Variants in DPP10 observed in about 807,000 individuals in gnomAD.
DPP10 encodes dipeptidyl peptidase like 10.
DPP10 carries 33 observed loss-of-function variants against 120.9 expected under a neutral mutation model. That is an observed-to-expected ratio of 0.27 (90% CI 0.21 to 0.37). DPP10 has a LOEUF of 0.37. DPP10 is among the 10% of genes least tolerant of loss of function. The pLI, the probability that DPP10 is intolerant of heterozygous loss-of-function variation, is 1.00. For synonymous variants in DPP10, 337 were observed against 326.1 expected (o/e 1.03, Z -0.36); for missense variants, 816 against 942.8 (o/e 0.87, Z 1.76).
intron 1 of DPP10, among the ~76,000 whole-genome samples, chr2:115,207,248 G>A (rs2056195039): frequency 6.6e-6 from 1 of 151,996 alleles, no homozygotes. Flanking sequence ...GCTTTTTGCA[G>A]AGTAACTTGT....
chr2:114,975,523 C>G (rs567528524), intron 1 of DPP10, among the ~76,000 whole-genome samples: 1 of 152,276 alleles, frequency 6.6e-6, no homozygotes, highest in Non-Finnish European at 1.5e-5. Flanking sequence ...TCTCCTGCAT[C>G]AAATAACTAG....
chr2:115,652,685 G>A (rs2087906132), intron 5 of DPP10, among the ~76,000 whole-genome samples: 1 of 151,818 alleles, frequency 6.6e-6, no homozygotes, highest in Admixed American at 6.6e-5. Flanking sequence ...GAAGACTGAT[G>A]TACCATTTCG....
chr2:115,379,990 G>A (rs1448438975), intron 3 of DPP10, among the ~76,000 whole-genome samples: 1 of 152,142 alleles, frequency 6.6e-6, no homozygotes. Flanking sequence ...GTCAATTTTG[G>A]AATCGGTGTG....
chr2:114,778,960 T>C (rs2106184967), intron 1 of DPP10, among the ~76,000 whole-genome samples: 1 of 152,196 alleles, frequency 6.6e-6, no homozygotes, highest in East Asian at 1.9e-4. Flanking sequence ...CCCTTTATGG[T>C]TACTGTAAAA....
chr2:114,648,680 G>T (rs1696324762), intron 1 of DPP10, among the ~76,000 whole-genome samples: 1 of 152,176 alleles, frequency 6.6e-6, no homozygotes, highest in South Asian at 2.1e-4. Context: ...AGGGTGAAAG[G>T]ATTGCATGAT....
intron 19 of DPP10, among the ~76,000 whole-genome samples, chr2:115,799,883 C>G (rs1056935691): frequency 5.3e-5 from 8 of 151,788 alleles, no homozygotes; most frequent in African/African-American, 1.9e-4. Flanking sequence ...TGAATAGTGC[C>G]GCTATGAACA....
At chr2:114,781,725 T>C (rs999896124) in intron 1 of DPP10, among the ~76,000 whole-genome samples, 1 of 152,044 alleles carries the variant, frequency 6.6e-6, no homozygotes, top group African/African-American at 2.4e-5. Context: ...AAGACAATGA[T>C]CTTTTTCAAA....
In DPP10 at chr2:114,529,382, C is replaced by T. The variant is rs562955094; in HGVS notation, c.60+86544C>T. 4.6e-5 allele frequency among the ~76,000 whole-genome samples: 7 copies of T among 152,218 alleles called. No individual in the cohort carries two copies. The East Asian group carries it at 1.4e-3, about 29-fold the overall frequency. On this transcript the variant is annotated intron_variant, in intron 1 of 25. Transcript: ENST00000410059. ...TGGTCTTTTAAAGGGTAAATTTGACCATCACTTTTCTGATTAAAACTCTCC... is the reference window on the plus strand; with the variant it reads ...TGGTCTTTTAAAGGGTAAATTTGACTATCACTTTTCTGATTAAAACTCTCC...
chr2:115,368,211 A>G (rs2065192445), intron 3 of DPP10, among the ~76,000 whole-genome samples: 1 of 152,082 alleles, frequency 6.6e-6, no homozygotes, highest in Admixed American at 6.6e-5. Flanking sequence ...CAGAGAGAGA[A>G]ATATAGGATA....
intron 5 of DPP10, among the ~76,000 whole-genome samples, chr2:115,685,668 A>G (rs2149486373): frequency 6.6e-6 from 1 of 152,130 alleles, no homozygotes; most frequent in African/African-American, 2.4e-5. Context: ...ATTTTAAAAA[A>G]CTTTATTATG....
intron 1 of DPP10, among the ~76,000 whole-genome samples, chr2:114,621,177 G>T (rs570704674): frequency 6.6e-6 from 1 of 152,144 alleles, no homozygotes; most frequent in Admixed American, 6.6e-5. Context: ...TAACACAGCT[G>T]GATGTTAGGC....
chr2:115,362,285 G>T (rs1228923267), intron 3 of DPP10, among the ~76,000 whole-genome samples: 1 of 152,112 alleles, frequency 6.6e-6, no homozygotes, highest in South Asian at 2.1e-4. Flanking sequence ...TTTGTAAGTG[G>T]GGCAACTAAG....
At chr2:114,956,784 T>C (rs950054061) in intron 1 of DPP10, among the ~76,000 whole-genome samples, 12 of 151,888 alleles carry the variant, frequency 7.9e-5, no homozygotes, top group African/African-American at 2.7e-4. Context: ...AGCCCAGAAA[T>C]TAACCTGTGC....
At chr2:114,510,593 ACT>A (rs1391258509) in intron 1 of DPP10, among the ~76,000 whole-genome samples, 3 of 152,152 alleles carry the variant, frequency 2.0e-5, no homozygotes, top group Non-Finnish European at 4.4e-5. Flanking sequence ...ACAGAGCAAG[ACT>A]CTGTCTCAAA....
intron 5 of DPP10, among the ~76,000 whole-genome samples, chr2:115,638,785 A>G (rs2086553061): frequency 6.6e-6 from 1 of 152,184 alleles, no homozygotes. Flanking sequence ...TTGGTCAACA[A>G]AACAGGACTA....
At chr2:115,189,280 CA>C (rs1175607712) in intron 1 of DPP10, among the ~76,000 whole-genome samples, 1 of 152,044 alleles carries the variant, frequency 6.6e-6, no homozygotes, top group African/African-American at 2.4e-5. Flanking sequence ...TTAAAGAGAT[CA>C]GGGGTATAAG....
intron 8 of DPP10, among the ~76,000 whole-genome samples, chr2:115,734,370 C>A (rs957651688): frequency 6.6e-6 from 1 of 151,874 alleles, no homozygotes; most frequent in African/African-American, 2.4e-5. Context: ...TTAGAGTTTA[C>A]GGTGGGGCCG....
At chr2:114,760,828 G>T (rs890159955) in intron 1 of DPP10, among the ~76,000 whole-genome samples, 2 of 151,950 alleles carry the variant, frequency 1.3e-5, no homozygotes, top group Non-Finnish European at 2.9e-5. Context: ...ATTGAATATT[G>T]TTTCTTACTC....
intron 1 of DPP10, among the ~76,000 whole-genome samples, chr2:115,221,170 A>T (rs797010348): frequency 5.3e-5 from 8 of 152,202 alleles, no homozygotes; most frequent in African/African-American, 1.9e-4. Context: ...AAAGTACGTC[A>T]CAAAGAAATT....
Sources: gnomAD v4.1 joint callset for allele counts (sites outside exome capture counted in the v4.1 genomes callset) on GRCh38, gnomAD v4.1.1 for gene constraint, MANE v1.5 for transcripts, NCBI Gene and HGNC (gene_info 2026-07-23, HGNC 2026-07-21) for gene names.